The following KIRREL3 variants were observed in gnomAD, a reference collection of about 807,000 sequenced individuals.
KIRREL3 encodes kin of IRRE-like protein 3.
In KIRREL3, 36 loss-of-function variants were observed where a neutral mutation model predicts 89.7. That is an observed-to-expected ratio of 0.40 (90% CI 0.31 to 0.53). The LOEUF (loss-of-function observed/expected upper bound fraction) is 0.53. Among genes scored for constraint, KIRREL3 ranks in the 20% least tolerant of loss-of-function variants. The probability of loss-of-function intolerance (pLI) is 0.49; values close to 1 mark genes in which losing one functional copy is unlikely to be tolerated. For missense variants in KIRREL3, 864 were observed against 1,056.6 expected (o/e 0.82, Z 2.53); for synonymous variants, 445 against 441.4 (o/e 1.01, Z -0.10).
Position 126,537,886 on chromosome 11 carries a change from G to C in KIRREL3, c.134-11199C>G, listed in dbSNP as rs1397100994. On this transcript the variant is annotated intron_variant, in intron 2 of 16. Coordinates refer to ENST00000525144, the MANE Select transcript of KIRREL3 (RefSeq NM_032531.4). The surrounding 1 kb of genome is among the most constrained non-coding windows in gnomAD (Gnocchi z 4.3). ...TAAAACAGGAGCCAGAGGAGCACCTGTCTTGCGGAGTCCCAGAGCTGAGAA... is the reference window on the plus strand; with the variant it reads ...TAAAACAGGAGCCAGAGGAGCACCTCTCTTGCGGAGTCCCAGAGCTGAGAA... 6.6e-6 allele frequency among the ~76,000 whole-genome samples: 1 copy of C among 152,238 alleles called. No individual in the cohort carries two copies. Among genetic ancestry groups the C allele is most frequent in the Non-Finnish European group, 1.5e-5 (1 of 68,042 alleles).
At chr11:126,714,605 C>T (rs770014997) in intron 1 of KIRREL3, among the ~76,000 whole-genome samples, 6 of 152,068 alleles carry the variant, frequency 3.9e-5, no homozygotes, top group Non-Finnish European at 5.9e-5. Context: ...GGATAAATGC[C>T]CCAATTTCCT....
Position 127,000,340 on chromosome 11 carries a change from G to A in KIRREL3, c.55+115C>T, listed in dbSNP as rs1591451291. 1 of 766,480 alleles carries A rather than the reference G, an allele frequency of 1.3e-6. No individual in the cohort carries two copies. The highest frequency in any genetic ancestry group is 2.1e-6 in the Non-Finnish European group (1 of 473,844). 47.5% of individuals were successfully genotyped at this position (766,480 alleles called of 1,614,324 possible). A position where few individuals can be genotyped will look rare whatever the true frequency, so the allele number is the denominator to read the frequency against. On this transcript the variant is annotated intron_variant, in intron 1 of 16. Transcript: ENST00000525144. The surrounding 1 kb of genome is among the most constrained non-coding windows in gnomAD (Gnocchi z 7.1). ...CCAGAGCATCTCAGCCCGGCACCGA[G>A]AGACGCATCCATCAGTCCGAGTTCC...
chr11:126,622,651 T>C lies in KIRREL3; in HGVS notation c.56-59739A>G, dbSNP rs1943620312. Among the ~76,000 whole-genome samples, 1 of 152,282 alleles carries C rather than the reference T, an allele frequency of 6.6e-6. No individual in the cohort carries two copies. The highest frequency in any genetic ancestry group is 1.9e-4 in the East Asian group (1 of 5,186). ...TTGCAGTGAGCTGAGATCACGCCAGTGCACTCCAGCCTGGGCGACAAGAGC... is the reference window on the plus strand; with the variant it reads ...TTGCAGTGAGCTGAGATCACGCCAGCGCACTCCAGCCTGGGCGACAAGAGC... On this transcript the variant is annotated intron_variant, in intron 1 of 16. Transcript: ENST00000525144. The surrounding 1 kb of genome is among the most constrained non-coding windows in gnomAD (Gnocchi z 5.2).
chr11:126,453,412 C>T (rs1031633989), intron 7 of KIRREL3, among the ~76,000 whole-genome samples: 1 of 152,082 alleles, frequency 6.6e-6, no homozygotes, highest in Non-Finnish European at 1.5e-5. Context: ...TGGAGGAGGG[C>T]GTTATCTCTA....
Position 126,528,950 on chromosome 11 carries a change from A to T in KIRREL3, c.134-2263T>A, listed in dbSNP as rs1958852959. 6.6e-6 allele frequency among the ~76,000 whole-genome samples: 1 copy of T among 152,156 alleles called. No individual in the cohort carries two copies. The highest frequency in any genetic ancestry group is 2.1e-4 in the South Asian group (1 of 4,830). On this transcript the variant is annotated intron_variant, in intron 2 of 16. Coordinates refer to ENST00000525144, the MANE Select transcript of KIRREL3 (RefSeq NM_032531.4). This position sits in a 1 kb window ranked among gnomAD's most constrained non-coding sequence, Gnocchi z 4.6. ...CCTTTTATCTCAAAATCTTTCTTAC[A>T]AGAAGGACAGAGTCAAGGCAGCTGC...
Position 126,428,778 on chromosome 11 carries a change from C to T in KIRREL3, c.1806+401G>A, listed in dbSNP as rs1955026981. The stretch of plus-strand genomic sequence containing the variant: ...TCTCCTGCCTCAGCTTCCCAAGTAG[C>T]TGGGATTACAGGCGCCCGCCACCAC... On this transcript the variant is annotated intron_variant, in intron 15 of 16. Transcript: ENST00000525144. This position sits in a 1 kb window ranked among gnomAD's most constrained non-coding sequence, Gnocchi z 6.4. Among the ~76,000 whole-genome samples, 1 of 152,150 alleles carries T rather than the reference C, an allele frequency of 6.6e-6. No individual in the cohort carries two copies. The highest frequency in any genetic ancestry group is 1.5e-5 in the Non-Finnish European group (1 of 68,022).
rs1470307843 is a variant in KIRREL3, at chr11:126,642,705, C to A, written c.56-79793G>T. On this transcript the variant is annotated intron_variant, in intron 1 of 16. Coordinates refer to ENST00000525144, the MANE Select transcript of KIRREL3 (RefSeq NM_032531.4). This position sits in a 1 kb window ranked among gnomAD's most constrained non-coding sequence, Gnocchi z 4.9. The stretch of plus-strand genomic sequence containing the variant: ...GATTGCAATTGTAGGAGGAATGACA[C>A]AAAAGGGGTAGGCTAGAACCAGAGT... 6.6e-6 allele frequency among the ~76,000 whole-genome samples: 1 copy of A among 152,168 alleles called. No individual in the cohort carries two copies. Among genetic ancestry groups the A allele is most frequent in the Non-Finnish European group, 1.5e-5 (1 of 68,040 alleles).
At chr11:126,701,614 T>C (rs150050665) in intron 1 of KIRREL3, among the ~76,000 whole-genome samples, 27 of 152,032 alleles carry the variant, frequency 1.8e-4, no homozygotes, top group African/African-American at 5.8e-4. Flanking sequence ...CATGGCATGC[T>C]ACAGAGAAAA....
Position 126,999,184 on chromosome 11 carries a change from AT to A in KIRREL3, c.55+1270del, listed in dbSNP as rs147440119. On this transcript the variant is annotated intron_variant, in intron 1 of 16. Transcript: ENST00000525144. This position sits in a 1 kb window ranked among gnomAD's most constrained non-coding sequence, Gnocchi z 5.7. ...TGTGTGTGTGTGTACATACATTATC[AT>A]TATACACAGGCATTAGTATGCACAT... 0.023 allele frequency among the ~76,000 whole-genome samples: 3,476 copies of A among 152,074 alleles called. 50 individuals are homozygous for A. Among genetic ancestry groups the A allele is most frequent in the Middle Eastern group, 0.075 (22 of 294 alleles).
chr11:126,907,486 T>C (rs908717249), intron 1 of KIRREL3, among the ~76,000 whole-genome samples: 15 of 152,182 alleles, frequency 9.9e-5, no homozygotes, highest in South Asian at 2.1e-4. Flanking sequence ...AAAGATGGCT[T>C]GCAGACGCCA....
Position 126,601,296 on chromosome 11 carries a change from G to A in KIRREL3, c.56-38384C>T, listed in dbSNP as rs552549963. On this transcript the variant is annotated intron_variant, in intron 1 of 16. Transcript: ENST00000525144. This position sits in a 1 kb window ranked among gnomAD's most constrained non-coding sequence, Gnocchi z 5.8. ...CAAGGATCAGAAAACAACTGGCAGAGAGACTGAGCGGCAGCCGTGGGCATC... is the reference window on the plus strand; with the variant it reads ...CAAGGATCAGAAAACAACTGGCAGAAAGACTGAGCGGCAGCCGTGGGCATC... Among the ~76,000 whole-genome samples the A allele has an allele frequency of 6.6e-6, 1 of 152,304 alleles. No homozygotes were observed. Among genetic ancestry groups the A allele is most frequent in the East Asian group, 1.9e-4 (1 of 5,170 alleles).
rs1360775428 is a variant in KIRREL3, at chr11:126,766,418, G to C, written c.56-203506C>G. On this transcript the variant is annotated intron_variant, in intron 1 of 16. Transcript: ENST00000525144. The surrounding 1 kb of genome is among the most constrained non-coding windows in gnomAD (Gnocchi z 4.2). ...TAGAGTTAGAATCTTCTGCTATTTTGCTTTTTCTCTCTTTTCTCCTCCCTA... is the reference window on the plus strand; with the variant it reads ...TAGAGTTAGAATCTTCTGCTATTTTCCTTTTTCTCTCTTTTCTCCTCCCTA... Among the ~76,000 whole-genome samples the C allele has an allele frequency of 6.6e-6, 1 of 152,054 alleles. No homozygotes were observed. The highest frequency in any genetic ancestry group is 1.5e-5 in the Non-Finnish European group (1 of 68,006).
chr11:126,660,371 G>T (rs1945340504), intron 1 of KIRREL3, among the ~76,000 whole-genome samples: 1 of 152,218 alleles, frequency 6.6e-6, no homozygotes. Flanking sequence ...TGGAAAACAT[G>T]ATACTGCTGA....
chr11:126,488,633 C>T (rs1050353521), intron 4 of KIRREL3, among the ~76,000 whole-genome samples: 2 of 152,218 alleles, frequency 1.3e-5, no homozygotes, highest in Non-Finnish European at 2.9e-5. Flanking sequence ...GCCGCGGCTT[C>T]CAGTGACCTG....
At chr11:126,426,991 G>A (rs990918833) in intron 15 of KIRREL3, among the ~76,000 whole-genome samples, 2 of 152,168 alleles carry the variant, frequency 1.3e-5, no homozygotes, top group African/African-American at 4.8e-5. Context: ...TCCTCAAGGG[G>A]TGGCTTAGCC....
Position 126,810,884 on chromosome 11 carries a change from C to G in KIRREL3, c.55+189571G>C, listed in dbSNP as rs564868014. On this transcript the variant is annotated intron_variant, in intron 1 of 16. Coordinates refer to ENST00000525144, the MANE Select transcript of KIRREL3 (RefSeq NM_032531.4). ...AAACCCTGAGAATATGATGGCTGTT[C>G]TGGAGGTTGTCTTAAGCCCCTCAAG... 2.6e-5 allele frequency among the ~76,000 whole-genome samples: 4 copies of G among 152,174 alleles called. No individual in the cohort carries two copies. In the South Asian group the frequency reaches 8.3e-4, roughly 32 times the overall value.
rs474130 is a variant in KIRREL3 at position 126,601,749 on chromosome 11, G to A, written c.56-38837C>T. Among the ~76,000 whole-genome samples, 122,464 of 152,020 alleles carry A rather than the reference G, an allele frequency of 0.81. 49,494 individuals carry two copies. Among genetic ancestry groups the A allele is most frequent in the South Asian group, 0.88 (4,216 of 4,810 alleles). ...GCCCACCCCGCCTACATTCCTGGAC[G>A]CCTATTTGGAGTTTCATCCCCCTGA... On this transcript the variant is annotated intron_variant, in intron 1 of 16. Transcript: ENST00000525144. The surrounding 1 kb of genome is among the most constrained non-coding windows in gnomAD (Gnocchi z 5.8).
rs1031522290 is a variant in KIRREL3, at chr11:126,867,640, G to C, written c.55+132815C>G. On this transcript the variant is annotated intron_variant, in intron 1 of 16. Transcript: ENST00000525144. This position sits in a 1 kb window ranked among gnomAD's most constrained non-coding sequence, Gnocchi z 4.7. The stretch of plus-strand genomic sequence containing the variant: ...GATTACCGAGTGCCATGCCCCATCA[G>C]GATGTGCTGGTAATATTTCCAGGTG... 1.3e-5 allele frequency among the ~76,000 whole-genome samples: 2 copies of C among 152,200 alleles called. No individual in the cohort carries two copies. Among genetic ancestry groups the C allele is most frequent in the Non-Finnish European group, 2.9e-5 (2 of 68,034 alleles).
intron 1 of KIRREL3, among the ~76,000 whole-genome samples, chr11:126,784,267 C>T (rs1950415194): frequency 6.6e-6 from 1 of 152,150 alleles, no homozygotes; most frequent in African/African-American, 2.4e-5. Flanking sequence ...TTAATTATAA[C>T]AAATGTACCA....
Sources: gnomAD v4.1 joint callset for allele counts (sites outside exome capture counted in the v4.1 genomes callset) on GRCh38, gnomAD v4.1.1 for gene constraint, Gnocchi (gnomAD v3.1) non-coding constraint, MANE v1.5 for transcripts, NCBI Gene and HGNC (gene_info 2026-07-23, HGNC 2026-07-21) for gene names.